The following AMPH variants were observed in gnomAD, a reference collection of about 807,000 sequenced individuals.
AMPH encodes the protein amphiphysin (Stiff-Mann syndrome with breast cancer 128kD autoantigen).
Under a neutral mutation model 99.1 loss-of-function variants are expected in AMPH, and 49 were observed. The observed-to-expected ratio is 0.49, with a 90% CI of 0.39 to 0.63. AMPH has a LOEUF of 0.63. Ranked by LOEUF, AMPH falls within the 20% of genes least tolerant of loss-of-function variation. The pLI is 0.00. For synonymous variants in AMPH, 314 were observed against 317.3 expected (o/e 0.99, Z 0.11); for missense variants, 759 against 863.4 (o/e 0.88, Z 1.52).
intron 1 of AMPH, among the ~76,000 whole-genome samples, chr7:38,578,602 T>C (rs111684759): frequency 0.027 from 4,070 of 152,026 alleles, 75 homozygotes; most frequent in Middle Eastern, 0.085. Flanking sequence ...ATCACTATGA[T>C]AACAATTATT....
chr7:38,486,179 G>A (rs1186229916), intron 5 of AMPH, among the ~76,000 whole-genome samples: 3 of 145,268 alleles, frequency 2.1e-5, no homozygotes, highest in African/African-American at 5.1e-5. Context: ...TTTTTGAGCA[G>A]ATAAAATTAA....
In AMPH at chr7:38,394,152, G is replaced by C. The variant is rs1173514484; in HGVS notation, c.1461C>G (p.Ala487=). ...TCTCCGCCTCTGCTTCCTCTCCTGG[G>C]GCCCCCTCAGCTGCTGACACCAAGG... ...VGTLVSAAEG[A]PGEEAEAEKA... Residue 487 remains alanine, a synonymous_variant, in exon 18 of 21, where the codon GCC becomes GCG. Transcript: ENST00000356264. The C allele has an allele frequency of 6.2e-7, 1 of 1,614,096 alleles. No individual in the cohort carries two copies. The highest frequency in any genetic ancestry group is 1.7e-5 in the Admixed American group (1 of 60,012).
chr7:38,481,416 AT>A (rs1157719408), intron 5 of AMPH, among the ~76,000 whole-genome samples: 8 of 152,288 alleles, frequency 5.3e-5, no homozygotes, highest in African/African-American at 1.7e-4. Context: ...GTTATTATAC[AT>A]TTTTTAAACT....
chr7:38,525,273 TATATAG>T (rs1164649136), intron 2 of AMPH, among the ~76,000 whole-genome samples: 38 of 83,342 alleles, frequency 4.6e-4, no homozygotes, highest in African/African-American at 1.2e-3. Flanking sequence ...TATATATATA[TATATAG>T]AGAGAGAGAG....
At chr7:38,586,464 A>G (rs1340915520) in intron 1 of AMPH, among the ~76,000 whole-genome samples, 1 of 152,214 alleles carries the variant, frequency 6.6e-6, no homozygotes, top group East Asian at 1.9e-4. Flanking sequence ...CTCAATTTCA[A>G]AACTACTCTA....
chr7:38,549,833 C>T (rs916275877), intron 1 of AMPH, among the ~76,000 whole-genome samples: 1 of 152,216 alleles, frequency 6.6e-6, no homozygotes, highest in African/African-American at 2.4e-5. Context: ...ACTTTAGATT[C>T]ACCAGATATA....
At chr7:38,464,104 A>G in intron 9 of AMPH, 1 of 1,289,794 alleles carries the variant, frequency 7.8e-7, no homozygotes, top group Non-Finnish European at 1.0e-6. Context: ...CATTCTGCAG[A>G]GGAATGTTGA....
chr7:38,493,168 C>T (rs76080227), intron 4 of AMPH, among the ~76,000 whole-genome samples: 1,956 of 152,262 alleles, frequency 0.013, 51 homozygotes, highest in African/African-American at 0.043. Context: ...CCACTGTTAA[C>T]GCAGGTTTTC....
chr7:38,503,618 G>A, intron 3 of AMPH, 32 bp downstream of exon 3: 2 of 1,605,734 alleles, frequency 1.2e-6, no homozygotes, highest in Non-Finnish European at 1.7e-6. Context: ...CCTGTGCTAA[G>A]TAACATGCAG....
rs1429582907 is a variant in AMPH at position 38,390,804 on chromosome 7, G to A, written c.1879-899C>T. Among the ~76,000 whole-genome samples the A allele has an allele frequency of 3.3e-5, 5 of 152,182 alleles. No homozygotes were observed. The East Asian group carries it at 9.6e-4, about 29-fold the overall frequency. ...TGGCACAAGGCTTCTTGGACTGCTT[G>A]TGCTCCAGTTAAAACGGAACCTGGC... is the stretch of plus-strand genomic sequence containing the variant. On this transcript the variant is annotated intron_variant, in intron 19 of 20. Transcript: ENST00000356264.
At chr7:38,525,607 C>T (rs549991790) in intron 2 of AMPH, among the ~76,000 whole-genome samples, 2 of 152,110 alleles carry the variant, frequency 1.3e-5, no homozygotes, top group Middle Eastern at 3.4e-3. Context: ...CGACCCCAAA[C>T]CCCCCTCACT....
Position 38,426,975 on chromosome 7 carries a change from A to G in AMPH, c.1194T>C (p.Gly398=). ...TTACCTGTGTGAATCCATTAAATGA[A>G]CCACCAGAAGCCTAAACAGAAACGA... ...STDLVQPASG[G]SFNGFTQPQD... is the part of the protein sequence containing the mutation. Residue 398 remains glycine, a synonymous_variant, in exon 15 of 21, where the codon GGT becomes GGC. Transcript: ENST00000356264. The G allele has an allele frequency of 6.2e-7, 1 of 1,613,358 alleles. No individual in the cohort carries two copies.
intron 1 of AMPH, among the ~76,000 whole-genome samples, chr7:38,579,815 A>T (rs1379036863): frequency 6.6e-6 from 1 of 152,196 alleles, no homozygotes; most frequent in Non-Finnish European, 1.5e-5. Flanking sequence ...TCCCTACATA[A>T]CCTAAATGTA....
In AMPH at chr7:38,531,875, A is replaced by G. The variant is rs371377730; in HGVS notation, c.150+3056T>C. On this transcript the variant is annotated intron_variant, in intron 2 of 20. Transcript: ENST00000356264. The stretch of plus-strand genomic sequence containing the variant: ...CTAGATTAGATAATGCCTTTAGAGT[A>G]TGTAGCCTTTAGATAATGCTTTGTC... Among the ~76,000 whole-genome samples, 66 of 152,342 alleles carry G rather than the reference A, an allele frequency of 4.3e-4. 1 individual carries two copies. In the South Asian group the frequency reaches 0.013, roughly 30 times the overall value.
chr7:38,412,713 T>C (rs556248723), intron 17 of AMPH, among the ~76,000 whole-genome samples: 3 of 152,332 alleles, frequency 2.0e-5, no homozygotes, highest in Non-Finnish European at 4.4e-5. Context: ...CAGATTTGGA[T>C]GTATCATGTT....
At position 38,384,726 on chromosome 7, in the gene AMPH, A is replaced by G; in HGVS notation, c.*92T>C. On this transcript the variant is annotated 3_prime_UTR_variant, in exon 21 of 21. Transcript: ENST00000356264. ...TTTGTCTGGCATCAGTCTGTAAATCATTAAGAGCATAATAACAAAAGTGAA... is the reference window on the plus strand; with the variant it reads ...TTTGTCTGGCATCAGTCTGTAAATCGTTAAGAGCATAATAACAAAAGTGAA... 9.5e-7 allele frequency: 1 copy of G among 1,049,766 alleles called. No homozygotes were observed. Among genetic ancestry groups the G allele is most frequent in the East Asian group, 2.4e-5 (1 of 41,602 alleles). 65.0% of individuals were successfully genotyped at this position (1,049,766 alleles called of 1,614,324 possible). A position where few individuals can be genotyped will look rare whatever the true frequency, so the allele number is the denominator to read the frequency against.
At chr7:38,548,493 T>G (rs1328723115) in intron 1 of AMPH, among the ~76,000 whole-genome samples, 1 of 152,208 alleles carries the variant, frequency 6.6e-6, no homozygotes, top group African/African-American at 2.4e-5. Flanking sequence ...TTTCCTTTTA[T>G]ATGTCCTTTG....
At chr7:38,420,794 A>G in intron 16 of AMPH, 1 of 346,592 alleles carries the variant, frequency 2.9e-6, no homozygotes, top group Non-Finnish European at 5.8e-6. Context: ...GGCAACCCTG[A>G]GCCCCGAGCA....
At chr7:38,464,168 T>C (rs1227968799) in intron 9 of AMPH, 2 of 1,260,352 alleles carry the variant, frequency 1.6e-6, no homozygotes, top group African/African-American at 3.1e-5. Flanking sequence ...TTTTCTTCAC[T>C]GTATCTCATT....
Sources: allele counts gnomAD v4.1 joint callset (sites outside exome capture counted in the v4.1 genomes callset), GRCh38; gene constraint gnomAD v4.1.1; transcripts MANE v1.5; gene names NCBI Gene and HGNC (gene_info 2026-07-23, HGNC 2026-07-21).